The following TRPM3 variants were observed in gnomAD, a reference collection of about 807,000 sequenced individuals.
TRPM3 encodes transient receptor potential cation channel subfamily M member 3, also known as long transient receptor potential channel 3.
A neutral mutation model predicts 181.2 loss-of-function variants in TRPM3; 77 were observed. That is an observed-to-expected ratio of 0.42 (90% CI 0.35 to 0.51). The LOEUF (loss-of-function observed/expected upper bound fraction) is 0.51, where lower values mean the gene tolerates loss of function less well. Among genes scored for constraint, TRPM3 ranks in the 20% least tolerant of loss-of-function variants. The pLI is 0.01. For missense variants in TRPM3, 1,759 were observed against 2,196.7 expected (o/e 0.80, Z 3.98); for synonymous variants, 745 against 796.4 (o/e 0.94, Z 1.09).
At chr9:71,274,045 T>G (rs181261546) in intron 1 of TRPM3, among the ~76,000 whole-genome samples, 5 of 152,244 alleles carry the variant, frequency 3.3e-5, no homozygotes, top group Non-Finnish European at 5.9e-5. Context: ...TACCGGTGGT[T>G]GTTGTACACT....
At chr9:70,645,248 C>A (rs962746042) in intron 9 of TRPM3, among the ~76,000 whole-genome samples, 1 of 152,152 alleles carries the variant, frequency 6.6e-6, no homozygotes, top group Non-Finnish European at 1.5e-5. Context: ...CCTGCATAAC[C>A]AAGACAATCC....
intron 1 of TRPM3, among the ~76,000 whole-genome samples, chr9:71,354,810 T>C (rs2091826602): frequency 6.6e-6 from 1 of 152,246 alleles, no homozygotes; most frequent in Non-Finnish European, 1.5e-5. Flanking sequence ...TTGGTTTGTA[T>C]TTCTGCCCCT....
At chr9:71,239,140 T>C (rs1016364577) in intron 1 of TRPM3, among the ~76,000 whole-genome samples, 4 of 152,152 alleles carry the variant, frequency 2.6e-5, no homozygotes, top group Admixed American at 6.6e-5. Flanking sequence ...ATGCGGAACA[T>C]TTAATATTTC....
chr9:70,624,280 T>C (rs1040524263), intron 14 of TRPM3, among the ~76,000 whole-genome samples: 1 of 152,216 alleles, frequency 6.6e-6, no homozygotes, highest in Admixed American at 6.5e-5. Flanking sequence ...TTTACTTTGT[T>C]ATTATTTTAT....
intron 1 of TRPM3, among the ~76,000 whole-genome samples, chr9:71,061,614 G>A (rs1286257171): frequency 2.6e-5 from 4 of 152,062 alleles, no homozygotes; most frequent in Non-Finnish European, 5.9e-5. Context: ...AATTTTTACT[G>A]TAACCAGTCC....
At chr9:70,951,639 G>C (rs1564830467) in intron 1 of TRPM3, among the ~76,000 whole-genome samples, 1 of 152,156 alleles carries the variant, frequency 6.6e-6, no homozygotes, top group East Asian at 1.9e-4. Flanking sequence ...ACCATGCCTG[G>C]CCAGAATTAT....
chr9:70,946,455 T>TAAC (rs1159169868), intron 1 of TRPM3, among the ~76,000 whole-genome samples: 1 of 151,498 alleles, frequency 6.6e-6, no homozygotes, highest in Non-Finnish European at 1.5e-5. Flanking sequence ...ATAATAATAA[T>TAAC]AATAATAACA....
chr9:71,430,852 A>G (rs2093944070), intron 1 of TRPM3, among the ~76,000 whole-genome samples: 1 of 152,162 alleles, frequency 6.6e-6, no homozygotes, highest in Admixed American at 6.5e-5. Flanking sequence ...TTTTGATTAA[A>G]TGATTTTCCA....
At chr9:70,808,415 T>G (rs2091173624) in intron 6 of TRPM3, among the ~76,000 whole-genome samples, 1 of 152,166 alleles carries the variant, frequency 6.6e-6, no homozygotes, top group Admixed American at 6.5e-5. Flanking sequence ...GTCTCTTTGC[T>G]GAAAAAAGGG....
At position 71,434,350 on chromosome 9, in the gene TRPM3, G is replaced by A. The variant is rs118029458; in HGVS notation, c.183+12303C>T. Among the ~76,000 whole-genome samples, 187 of 152,164 alleles carry A rather than the reference G, an allele frequency of 1.2e-3. 1 individual carries two copies. Among genetic ancestry groups the A allele is most frequent in the Non-Finnish European group, 6.9e-4 (47 of 68,002 alleles). On this transcript the variant is annotated intron_variant, in intron 1 of 24. Transcript: ENST00000357533. ...TGCCCTTATAAAAAAGTTCCACTAC[G>A]TAAGAACACAGCAAAAGACAGCCAC...
At chr9:71,379,147 C>T (rs919735125) in intron 1 of TRPM3, among the ~76,000 whole-genome samples, 4 of 151,906 alleles carry the variant, frequency 2.6e-5, no homozygotes, top group East Asian at 1.9e-4. Context: ...ACTTTTGCTA[C>T]GTGAAATACT....
At chr9:71,185,973 C>T (rs1390516045) in intron 1 of TRPM3, among the ~76,000 whole-genome samples, 1 of 152,052 alleles carries the variant, frequency 6.6e-6, no homozygotes, top group Non-Finnish European at 1.5e-5. Flanking sequence ...TAAGGCCATG[C>T]TGTCAGTGAA....
intron 1 of TRPM3, among the ~76,000 whole-genome samples, chr9:71,068,903 T>C (rs990524884): frequency 2.6e-5 from 4 of 152,202 alleles, no homozygotes; most frequent in African/African-American, 7.2e-5. Context: ...CATGGTGGTA[T>C]AATATGATCC....
At chr9:70,767,323 C>T (rs927217154) in intron 7 of TRPM3, among the ~76,000 whole-genome samples, 2 of 152,132 alleles carry the variant, frequency 1.3e-5, no homozygotes, top group Non-Finnish European at 2.9e-5. Context: ...CATCTGCTTG[C>T]TCATTCATTC....
chr9:71,160,686 T>C (rs1411146584), intron 1 of TRPM3, among the ~76,000 whole-genome samples: 7 of 152,186 alleles, frequency 4.6e-5, no homozygotes, highest in African/African-American at 1.7e-4. Context: ...GATCAAATCT[T>C]CTTCATTCCC....
At chr9:71,352,229 ATTTG>A (rs1159977512) in intron 1 of TRPM3, among the ~76,000 whole-genome samples, 3 of 152,150 alleles carry the variant, frequency 2.0e-5, no homozygotes, top group Non-Finnish European at 2.9e-5. Context: ...TCATTATGTT[ATTTG>A]TTTTACATTT....
At chr9:70,988,038 C>G (rs1186755468) in intron 1 of TRPM3, among the ~76,000 whole-genome samples, 2 of 152,022 alleles carry the variant, frequency 1.3e-5, no homozygotes, top group African/African-American at 2.4e-5. Context: ...TAATTATGTT[C>G]CTCTAAATTT....
chr9:70,700,433 A>G (rs1194677228), intron 8 of TRPM3, among the ~76,000 whole-genome samples: 1 of 152,142 alleles, frequency 6.6e-6, no homozygotes, highest in Non-Finnish European at 1.5e-5. Context: ...TAGGGGGGCG[A>G]TGAATCAGAC....
At chr9:71,289,312 A>G (rs925760433) in intron 1 of TRPM3, among the ~76,000 whole-genome samples, 1 of 152,106 alleles carries the variant, frequency 6.6e-6, no homozygotes, top group Non-Finnish European at 1.5e-5. Context: ...TCAAAAATTG[A>G]CCTCAACGTT....
Sources: allele counts gnomAD v4.1 joint callset (sites outside exome capture counted in the v4.1 genomes callset), GRCh38; gene constraint gnomAD v4.1.1; transcripts MANE v1.5; gene names NCBI Gene and HGNC (gene_info 2026-07-23, HGNC 2026-07-21).